IL1RAPL2: variants seen among roughly 807,000 people sequenced by gnomAD.
IL1RAPL2 encodes the protein interleukin 1 receptor accessory protein like 2, also known as X-linked interleukin-1 receptor accessory protein-like 2.
Under a neutral mutation model 44.1 loss-of-function variants are expected in IL1RAPL2, and 3 were observed. The observed-to-expected ratio is 0.07, with a 90% CI of 0.03 to 0.18. IL1RAPL2 has a LOEUF of 0.18. Ranked by LOEUF, IL1RAPL2 falls within the 10% of genes least tolerant of loss-of-function variation. The probability of loss-of-function intolerance (pLI) is 1.00; values close to 1 mark genes in which losing one functional copy is unlikely to be tolerated. For missense variants in IL1RAPL2, 391 were observed against 496.4 expected, an observed-to-expected ratio of 0.79 and a Z score of 2.02; for synonymous variants, 181 against 178.8, an observed-to-expected ratio of 1.01 and a Z score of -0.10.
intron 1 of IL1RAPL2, among the ~76,000 whole-genome samples, chrX:104,600,772 G>T (rs1928866291): frequency 9.0e-6 from 1 of 111,368 alleles, no homozygotes; most frequent in South Asian, 3.8e-4. Context: ...AGTGGCATTT[G>T]GTTTTCTGTT....
chrX:104,923,655 T>C (rs1165429075), intron 2 of IL1RAPL2, among the ~76,000 whole-genome samples: 1 of 111,320 alleles, frequency 9.0e-6, no homozygotes, highest in African/African-American at 3.3e-5. Context: ...CTCAAAGGTG[T>C]GATAAACATG....
rs181240048 is a variant in IL1RAPL2 at position 104,884,166 on chromosome X, C to T, written c.82+225171C>T. Among the ~76,000 whole-genome samples the T allele has an allele frequency of 6.3e-3, 695 of 109,926 alleles. 7 individuals are homozygous for T. The highest frequency in any genetic ancestry group is 0.022 in the African/African-American group (662 of 30,108). On this transcript the variant is annotated intron_variant, in intron 2 of 10. Transcript: ENST00000372582. Reference sequence around the variant, plus strand: ...AAGGGCCACTAAATCTGATTTTTCTCGGTCCTCTTTGTGGTCTAGGAGGAC... The same window carrying T: ...AAGGGCCACTAAATCTGATTTTTCTTGGTCCTCTTTGTGGTCTAGGAGGAC...
At chrX:104,648,759 A>G (rs1930094126) in intron 1 of IL1RAPL2, among the ~76,000 whole-genome samples, 1 of 111,782 alleles carries the variant, frequency 8.9e-6, no homozygotes, top group Non-Finnish European at 1.9e-5. Context: ...TCAAGATTAT[A>G]TCTTAATGAT....
At chrX:104,792,838 A>G (rs1258216374) in intron 2 of IL1RAPL2, among the ~76,000 whole-genome samples, 1 of 112,231 alleles carries the variant, frequency 8.9e-6, no homozygotes, top group African/African-American at 3.2e-5. Flanking sequence ...AAAAATTCTT[A>G]AGATATTTAT....
At chrX:104,770,358 G>C (rs1932621972) in intron 2 of IL1RAPL2, among the ~76,000 whole-genome samples, 2 of 111,512 alleles carry the variant, frequency 1.8e-5, no homozygotes, top group Admixed American at 1.9e-4. Context: ...AAGAATGAGA[G>C]ATGTAAGTCA....
Position 105,767,353 on chromosome X carries a change from C to T in IL1RAPL2, c.1753C>T (p.Pro585Ser), listed in dbSNP as rs2038740687. Residue 585 changes from proline to serine, a missense_variant, in exon 11 of 11, where the codon CCC (proline) becomes TCC (serine). Around this residue, in one of 2 missense-constraint regions of IL1RAPL2, gnomAD observed 232 missense variants for 244.8 expected, o/e 0.95. Coordinates refer to ENST00000372582, the MANE Select transcript of IL1RAPL2 (RefSeq NM_017416.2). ...ACTTTTTGGAGAACTCCAGCCTATACCCTCTATTGCCATGACCAGTACTTC... is the reference window on the plus strand; with the variant it reads ...ACTTTTTGGAGAACTCCAGCCTATATCCTCTATTGCCATGACCAGTACTTC... ...QGLFGELQPI[P>S]SIAMTSTSAT... 2 of 1,211,642 alleles carry T rather than the reference C, an allele frequency of 1.7e-6. No individual in the cohort carries two copies. The highest frequency in any genetic ancestry group is 3.5e-5 in the African/African-American group (2 of 57,817).
chrX:104,657,930 C>A (rs1930304117), intron 1 of IL1RAPL2, among the ~76,000 whole-genome samples: 1 of 112,170 alleles, frequency 8.9e-6, no homozygotes, highest in South Asian at 3.7e-4. Flanking sequence ...CCATCTCACA[C>A]CAGTTAGAAT....
intron 2 of IL1RAPL2, among the ~76,000 whole-genome samples, chrX:104,691,114 G>A (rs1379504302): frequency 4.5e-5 from 5 of 112,219 alleles, no homozygotes; most frequent in Non-Finnish European, 9.4e-5. Flanking sequence ...ATCAGTAGAG[G>A]TTCCAGATAT....
chrX:105,197,389 TTTTG>T (rs782588266), intron 3 of IL1RAPL2, among the ~76,000 whole-genome samples: 5 of 112,000 alleles, frequency 4.5e-5, no homozygotes, highest in Non-Finnish European at 7.5e-5. Context: ...ACCATTTGCT[TTTTG>T]TTTGTTGTTT....
intron 5 of IL1RAPL2, among the ~76,000 whole-genome samples, chrX:105,383,168 G>T: frequency 9.2e-6 from 1 of 108,311 alleles, no homozygotes. Flanking sequence ...AAAAACTATA[G>T]TTACTCTATT....
chrX:105,713,340 C>A (rs746803469), intron 6 of IL1RAPL2, among the ~76,000 whole-genome samples: 4 of 111,580 alleles, frequency 3.6e-5, no homozygotes. Flanking sequence ...CCAGGCATTT[C>A]CATACATCCT....
chrX:105,212,255 C>G (rs967581395), intron 3 of IL1RAPL2, among the ~76,000 whole-genome samples: 2 of 112,152 alleles, frequency 1.8e-5, no homozygotes, highest in Admixed American at 9.4e-5. Flanking sequence ...TGAAGTCAAC[C>G]TGGGATGGTC....
intron 5 of IL1RAPL2, among the ~76,000 whole-genome samples, chrX:105,334,118 G>C (rs1308691052): frequency 8.9e-6 from 1 of 112,161 alleles, no homozygotes; most frequent in Admixed American, 9.5e-5. Flanking sequence ...ATTAGAAACA[G>C]TATCTATCAA....
chrX:105,624,463 T>C (rs2037440012), intron 6 of IL1RAPL2, among the ~76,000 whole-genome samples: 1 of 111,473 alleles, frequency 9.0e-6, no homozygotes, highest in South Asian at 3.7e-4. Context: ...ACTAACCTGT[T>C]ATCTACATCT....
chrX:104,978,544 T>C (rs2030379352), intron 2 of IL1RAPL2, among the ~76,000 whole-genome samples: 1 of 112,098 alleles, frequency 8.9e-6, no homozygotes, highest in Admixed American at 9.5e-5. Flanking sequence ...ATCACCACGA[T>C]CATTTGACTT....
intron 2 of IL1RAPL2, among the ~76,000 whole-genome samples, chrX:104,816,778 C>T (rs1921148914): frequency 9.0e-6 from 1 of 111,603 alleles, no homozygotes. Context: ...GGCTTTATGA[C>T]CCTAAACAGT....
chrX:105,663,784 C>T (rs758228084), intron 6 of IL1RAPL2, among the ~76,000 whole-genome samples: 38 of 111,602 alleles, frequency 3.4e-4, no homozygotes, highest in Admixed American at 4.8e-4. Context: ...TTGTTATGTA[C>T]GATAGATTGA....
intron 2 of IL1RAPL2, among the ~76,000 whole-genome samples, chrX:104,691,234 C>T (rs1002793827): frequency 7.1e-5 from 8 of 111,980 alleles, no homozygotes; most frequent in African/African-American, 1.6e-4. Flanking sequence ...CCTCTTGTCA[C>T]GTCAGGGCCT....
At chrX:105,032,955 G>A (rs1330428306) in intron 2 of IL1RAPL2, among the ~76,000 whole-genome samples, 1 of 111,737 alleles carries the variant, frequency 8.9e-6, no homozygotes, top group Non-Finnish European at 1.9e-5. Flanking sequence ...TCTTCTTGTT[G>A]AATTGATCCC....
Sources: allele counts gnomAD v4.1 joint callset (sites outside exome capture counted in the v4.1 genomes callset), GRCh38; gene constraint gnomAD v4.1.1; regional missense constraint gnomAD v4.1.1; transcripts MANE v1.5; gene names NCBI Gene and HGNC (gene_info 2026-07-23, HGNC 2026-07-21).